GET1: variants seen among roughly 807,000 people sequenced by gnomAD.
GET1 encodes the protein congenital heart disease 5 protein.
A neutral mutation model predicts 22.6 loss-of-function variants in GET1; 20 were observed. The ratio of observed to expected loss-of-function variants is 0.89; its 90% CI spans 0.62 to 1.29. The LOEUF is 1.29. GET1 is among the 50% of genes most tolerant of loss of function. GET1 has a pLI of 0.00. For synonymous variants in GET1, 92 were observed against 83.8 expected (o/e 1.10, Z -0.53); for missense variants, 209 against 219.9 (o/e 0.95, Z 0.31).
chr21:39,409,169 C>T (rs1332476106), downstream of GET1, among the ~76,000 whole-genome samples: 1 of 152,106 alleles, frequency 6.6e-6, no homozygotes, highest in Non-Finnish European at 1.5e-5. This position sits in a 1 kb window ranked among gnomAD's most constrained non-coding sequence, Gnocchi z 4.2. Flanking sequence ...TGCTCTCTCC[C>T]CGACTCTCCT....
At chr21:39,386,103 G>A (rs2037880928) in intron 1 of GET1, 1 of 152,310 alleles carries the variant, frequency 6.6e-6, no homozygotes, top group African/African-American at 2.4e-5. Flanking sequence ...GGGCTTACGG[G>A]CCGAGTGCCC....
In GET1 at chr21:39,424,373, C is replaced by T. The variant is rs528441883; in HGVS notation, c.*24-3859C>T. Among the ~76,000 whole-genome samples the T allele has an allele frequency of 2.5e-4, 38 of 152,226 alleles. No homozygotes were observed. In the South Asian group the frequency reaches 7.3e-3, roughly 29 times the overall value. The stretch of plus-strand genomic sequence containing the variant: ...GCACATGCCTATAGTCCTAGCTCCT[C>T]AGGAAGCCTTGGCGGGAGGATCCCT... On this transcript the variant is annotated intron_variant, in intron 1 of 1. Transcript: ENST00000478273.
chr21:39,404,748 G>GT (rs2038949997), intron 4 of GET1, among the ~76,000 whole-genome samples: 1 of 29,286 alleles, frequency 3.4e-5, no homozygotes, highest in Non-Finnish European at 6.0e-5. Context: ...CTGAGACACT[G>GT]TCAAAAAAAA....
intron 1 of GET1, among the ~76,000 whole-genome samples, chr21:39,424,700 T>C (rs955863879): frequency 1.3e-5 from 2 of 152,090 alleles, no homozygotes; most frequent in Admixed American, 1.3e-4. Flanking sequence ...TCTATCTGTT[T>C]ATACAGATAC....
chr21:39,403,516 C>T (rs563425729), intron 4 of GET1, among the ~76,000 whole-genome samples: 8 of 144,292 alleles, frequency 5.5e-5, no homozygotes, highest in Admixed American at 2.0e-4. Context: ...TTAGTAGAGA[C>T]GGGGTTCACC....
At chr21:39,417,975 C>T (rs561597569) in intron 1 of GET1, among the ~76,000 whole-genome samples, 1 of 152,240 alleles carries the variant, frequency 6.6e-6, no homozygotes, top group South Asian at 2.1e-4. Flanking sequence ...GCCGTGTTTG[C>T]CAGGATTGTC....
chr21:39,387,018 CCTGA>C (rs552850349), intron 1 of GET1, among the ~76,000 whole-genome samples: 12 of 152,128 alleles, frequency 7.9e-5, no homozygotes, highest in South Asian at 2.1e-4. Context: ...CACCACCACA[CCTGA>C]CTAATTTTTA....
At chr21:39,404,074 A>G (rs2038923502) in intron 4 of GET1, among the ~76,000 whole-genome samples, 1 of 152,210 alleles carries the variant, frequency 6.6e-6, no homozygotes, top group African/African-American at 2.4e-5. Flanking sequence ...AGTTAATATT[A>G]CACACCAACA....
intron 1 of GET1, among the ~76,000 whole-genome samples, chr21:39,389,442 G>C (rs1334542001): frequency 3.3e-5 from 5 of 152,156 alleles, no homozygotes; most frequent in Non-Finnish European, 7.4e-5. Flanking sequence ...ACCATGCCAG[G>C]CTGAGGCATC....
downstream of GET1, chr21:39,408,483 G>A (rs1310706005): frequency 6.6e-6 from 1 of 152,298 alleles, no homozygotes; most frequent in Non-Finnish European, 1.5e-5. Context: ...CACCAGAGAT[G>A]AGGAGACAGA....
chr21:39,392,743 G>A (rs527792123), intron 3 of GET1, among the ~76,000 whole-genome samples: 5 of 152,298 alleles, frequency 3.3e-5, no homozygotes, highest in Non-Finnish European at 5.9e-5. Context: ...GATGGCTTTC[G>A]TCACTAATAA....
chr21:39,421,340 G>A (rs770684216), intron 1 of GET1, among the ~76,000 whole-genome samples: 8 of 152,020 alleles, frequency 5.3e-5, no homozygotes, highest in Non-Finnish European at 8.8e-5. Context: ...GGCCCACCTC[G>A]GCCTCCCAAA....
chr21:39,381,710 G>T (rs1387971030), intron 1 of GET1, among the ~76,000 whole-genome samples: 1 of 152,102 alleles, frequency 6.6e-6, no homozygotes, highest in Admixed American at 6.6e-5. Flanking sequence ...CAGTTCAGTG[G>T]CATTAAGTAC....
intron 1 of GET1, among the ~76,000 whole-genome samples, chr21:39,424,006 T>A (rs576047212): frequency 1.1e-4 from 17 of 152,254 alleles, no homozygotes; most frequent in African/African-American, 2.9e-4. Context: ...ACAATTTTTT[T>A]AAATGTTTAT....
intron 1 of GET1, chr21:39,421,768 A>G (rs1601824757): frequency 6.6e-6 from 1 of 152,270 alleles, no homozygotes; most frequent in African/African-American, 2.4e-5. Context: ...CCACTCCCTA[A>G]AACATTAATG....
intron 1 of GET1, 74 bp from the exon 2 acceptor site, chr21:39,390,624 A>G (rs2038237046): frequency 6.4e-7 from 1 of 1,566,106 alleles, no homozygotes. Flanking sequence ...CATAGACAGA[A>G]AGTAGCGGGG....
rs143192286 is a variant in GET1 at position 39,380,825 on chromosome 21, C to T, written c.102+339C>T. 7.2e-4 allele frequency: 731 copies of T among 1,013,004 alleles called. 6 individuals carry two copies. In the African/African-American group the frequency reaches 0.012, roughly 16 times the overall value. 62.8% of individuals were successfully genotyped at this position (1,013,004 alleles called of 1,614,324 possible). On this transcript the variant is annotated intron_variant, in intron 1 of 4. Coordinates refer to ENST00000649170, the MANE Select transcript of GET1 (RefSeq NM_004627.6). ...CTGGTTCCTAGAGGCATTCGAGCAG[C>T]CCTCGGCCAGGGTTTCCCAGAGGCC...
intron 4 of GET1, among the ~76,000 whole-genome samples, chr21:39,404,993 A>G (rs8129564): frequency 0.49 from 73,910 of 151,404 alleles, 18,374 homozygotes; most frequent in East Asian, 0.67. Context: ...CACCACACCC[A>G]GCTGATTTTT....
At chr21:39,380,761 G>T in intron 1 of GET1, 1 of 1,161,902 alleles carries the variant, frequency 8.6e-7, no homozygotes, top group Non-Finnish European at 1.1e-6. Flanking sequence ...CACACTGGGA[G>T]TTCCTAGTGC....
Sources: allele counts gnomAD v4.1 joint callset (sites outside exome capture counted in the v4.1 genomes callset), GRCh38; gene constraint gnomAD v4.1.1; non-coding constraint Gnocchi (gnomAD v3.1); transcripts MANE v1.5; gene names NCBI Gene and HGNC (gene_info 2026-07-23, HGNC 2026-07-21).